The following FOXP2 variants were observed in gnomAD, a reference collection of about 807,000 sequenced individuals.
FOXP2 encodes forkhead box protein P2.
In FOXP2, 12 loss-of-function variants were observed where a neutral mutation model predicts 115.8. That is an observed-to-expected ratio of 0.10 (90% CI 0.07 to 0.17). The LOEUF is 0.17. FOXP2 is among the 10% of genes least tolerant of loss of function. FOXP2 has a pLI of 1.00. For synonymous variants in FOXP2, 328 were observed against 297.7 expected, an observed-to-expected ratio of 1.10 and a Z score of -1.05; for missense variants, 629 against 843.5, an observed-to-expected ratio of 0.75 and a Z score of 3.15.
At chr7:114,212,323 T>G (rs1044861574) in intron 1 of FOXP2, among the ~76,000 whole-genome samples, 5 of 151,994 alleles carry the variant, frequency 3.3e-5, no homozygotes, top group African/African-American at 1.2e-4. Context: ...AGTAACAAGA[T>G]AGCTAATGAG....
intron 3 of FOXP2, among the ~76,000 whole-genome samples, chr7:114,560,136 T>TA (rs1308213523): frequency 6.6e-6 from 1 of 152,198 alleles, no homozygotes; most frequent in Admixed American, 6.5e-5. Context: ...TATATAGTGT[T>TA]AAATTATGAT....
At chr7:114,096,078 T>C (rs1799643246) in intron 1 of FOXP2, among the ~76,000 whole-genome samples, 1 of 152,148 alleles carries the variant, frequency 6.6e-6, no homozygotes, top group Non-Finnish European at 1.5e-5. Flanking sequence ...CCAGTCCCCA[T>C]CACGTGACAT....
chr7:114,335,975 A>C (rs1562876325), intron 2 of FOXP2, among the ~76,000 whole-genome samples: 1 of 151,766 alleles, frequency 6.6e-6, no homozygotes, highest in Non-Finnish European at 1.5e-5. Flanking sequence ...GATTTCACCA[A>C]ATTTTATCTA....
chr7:114,639,207 T>A (rs1805392831), intron 6 of FOXP2, among the ~76,000 whole-genome samples: 1 of 152,194 alleles, frequency 6.6e-6, no homozygotes, highest in Non-Finnish European at 1.5e-5. Flanking sequence ...TAGAAGCAAC[T>A]AGTGCCATAT....
intron 1 of FOXP2, among the ~76,000 whole-genome samples, chr7:114,125,464 G>A (rs1299752127): frequency 2.0e-5 from 3 of 152,044 alleles, no homozygotes; most frequent in African/African-American, 4.8e-5. Context: ...TAAGCCTCAC[G>A]TTAATATGGT....
At chr7:114,474,505 C>T (rs567592448) in intron 2 of FOXP2, among the ~76,000 whole-genome samples, 1 of 152,172 alleles carries the variant, frequency 6.6e-6, no homozygotes, top group South Asian at 2.1e-4. Context: ...CGTTGTAAAC[C>T]AGTTATAGCT....
intron 1 of FOXP2, among the ~76,000 whole-genome samples, chr7:114,236,326 GTATTA>G (rs1795006463): frequency 6.6e-6 from 1 of 152,112 alleles, no homozygotes; most frequent in Non-Finnish European, 1.5e-5. Flanking sequence ...CAGGCTGTTT[GTATTA>G]TATTTGGAAA....
chr7:114,309,876 G>A (rs916796221), intron 2 of FOXP2, among the ~76,000 whole-genome samples: 1 of 150,464 alleles, frequency 6.6e-6, no homozygotes, highest in Non-Finnish European at 1.5e-5. Context: ...TATTGCCCAG[G>A]CTTGTCTTGA....
rs1794674713 is a variant in FOXP2, at chr7:114,223,514, T to C, written c.-102+60426T>C. The stretch of plus-strand genomic sequence containing the variant: ...TTATATATATATTATATATAATATA[T>C]ATATAATATGTATATATATATGTGC... On this transcript the variant is annotated intron_variant, in intron 1 of 17. Transcript: ENST00000634411. Among the ~76,000 whole-genome samples, 4 of 147,644 alleles carry C rather than the reference T, an allele frequency of 2.7e-5. No homozygotes were observed. The South Asian group carries it at 8.3e-4, about 31-fold the overall frequency.
At chr7:114,503,671 G>T (rs1051271305) in intron 2 of FOXP2, among the ~76,000 whole-genome samples, 1 of 150,618 alleles carries the variant, frequency 6.6e-6, no homozygotes, top group Non-Finnish European at 1.5e-5. Context: ...GTTAAAATAA[G>T]CCAAATTAAT....
At chr7:114,289,045 C>T (rs887541187) in intron 2 of FOXP2, among the ~76,000 whole-genome samples, 6 of 151,796 alleles carry the variant, frequency 4.0e-5, no homozygotes, top group African/African-American at 1.2e-4. Context: ...TCTCAAGATA[C>T]ACTTCGTAAT....
chr7:114,091,629 A>G (rs917053829), intron 1 of FOXP2, among the ~76,000 whole-genome samples: 1 of 151,876 alleles, frequency 6.6e-6, no homozygotes, highest in Admixed American at 6.6e-5. Flanking sequence ...TCTTTAATAC[A>G]TTATATTTTA....
intron 6 of FOXP2, among the ~76,000 whole-genome samples, chr7:114,640,934 T>A (rs995875684): frequency 2.6e-5 from 4 of 152,120 alleles, no homozygotes; most frequent in African/African-American, 9.7e-5. Context: ...TAACCTCAGG[T>A]GAGGTTAACT....
intron 2 of FOXP2, among the ~76,000 whole-genome samples, chr7:114,382,522 G>C (rs1372039651): frequency 6.6e-6 from 1 of 152,058 alleles, no homozygotes; most frequent in Admixed American, 6.5e-5. Flanking sequence ...TTAGGCATTC[G>C]ATTTGCCCAG....
intron 1 of FOXP2, among the ~76,000 whole-genome samples, chr7:114,224,549 C>T (rs1487962275): frequency 6.6e-6 from 1 of 152,150 alleles, no homozygotes; most frequent in Non-Finnish European, 1.5e-5. Flanking sequence ...ATATTATGTG[C>T]AAATCATCAC....
Position 114,444,339 on chromosome 7 carries a change from T to C in FOXP2, c.168+17660T>C, listed in dbSNP as rs140321418. On this transcript the variant is annotated intron_variant, in intron 2 of 16. Transcript: ENST00000350908. ...CTGCATGTGGATTTTAAGGGCTGGC[T>C]GAACATGGAATGACATTCAGAAGTA... Among the ~76,000 whole-genome samples the C allele has an allele frequency of 4.1e-3, 625 of 152,306 alleles. 3 individuals carry two copies. The highest frequency in any genetic ancestry group is 0.012 in the African/African-American group (494 of 41,584).
intron 3 of FOXP2, among the ~76,000 whole-genome samples, chr7:114,550,115 T>TC (rs1800128985): frequency 7.8e-6 from 1 of 128,866 alleles, no homozygotes; most frequent in African/African-American, 3.2e-5. Flanking sequence ...TTCTTTTCTT[T>TC]TTTTTTTTTT....
At chr7:114,558,582 T>C (rs1401924936) in intron 3 of FOXP2, among the ~76,000 whole-genome samples, 1 of 152,188 alleles carries the variant, frequency 6.6e-6, no homozygotes, top group Non-Finnish European at 1.5e-5. Flanking sequence ...CTTCTCAGAA[T>C]ACATCAGGGG....
intron 2 of FOXP2, among the ~76,000 whole-genome samples, chr7:114,326,602 C>A (rs2129182198): frequency 6.6e-6 from 1 of 152,216 alleles, no homozygotes; most frequent in African/African-American, 2.4e-5. Context: ...CATTTATTCT[C>A]TAATATCTTT....
Sources: gnomAD v4.1 joint callset for allele counts (sites outside exome capture counted in the v4.1 genomes callset) on GRCh38, gnomAD v4.1.1 for gene constraint, MANE v1.5 for transcripts, NCBI Gene and HGNC (gene_info 2026-07-23, HGNC 2026-07-21) for gene names.